HDAC9: variants seen among roughly 807,000 people sequenced by gnomAD.
HDAC9 encodes MEF-2 interacting transcription repressor (MITR) protein.
In HDAC9, 41 loss-of-function variants were observed where a neutral mutation model predicts 139.4. That is an observed-to-expected ratio of 0.29 (90% confidence interval 0.23 to 0.38). The LOEUF (loss-of-function observed/expected upper bound fraction) is 0.38. Ranked by LOEUF, HDAC9 falls within the 10% of genes least tolerant of loss-of-function variation. The pLI, the probability that HDAC9 is intolerant of heterozygous loss-of-function variation, is 1.00. For synonymous variants in HDAC9, 517 were observed against 476.2 expected, an observed-to-expected ratio of 1.09 and a Z score of -1.12; for missense variants, 1,147 against 1,297.0, an observed-to-expected ratio of 0.88 and a Z score of 1.78.
intron 2 of HDAC9, among the ~76,000 whole-genome samples, chr7:18,228,738 A>G (rs1793238918): frequency 6.6e-6 from 1 of 152,198 alleles, no homozygotes; most frequent in South Asian, 2.1e-4. Flanking sequence ...GAAGGCTGGC[A>G]TTAGCAATAC....
intron 2 of HDAC9, chr7:18,578,178 T>G (rs772644934): frequency 1.9e-6 from 1 of 518,884 alleles, no homozygotes; most frequent in African/African-American, 1.9e-5. Context: ...GTGAGTGACC[T>G]CCACAAACTG....
At chr7:18,247,314 T>C (rs1257172867) in intron 2 of HDAC9, among the ~76,000 whole-genome samples, 1 of 151,978 alleles carries the variant, frequency 6.6e-6, no homozygotes, top group Non-Finnish European at 1.5e-5. Context: ...CACTGGGGCA[T>C]ATTCTCCTTT....
At chr7:18,793,223 C>T in intron 16 of HDAC9, 122 bp from the exon 17 acceptor site, 1 of 693,324 alleles carries the variant, frequency 1.4e-6, no homozygotes, top group Non-Finnish European at 2.6e-6. Context: ...CCCTTCCTCA[C>T]AGATTTGCTT....
chr7:18,263,825 A>G (rs1795834268), intron 2 of HDAC9, among the ~76,000 whole-genome samples: 1 of 151,908 alleles, frequency 6.6e-6, no homozygotes, highest in Non-Finnish European at 1.5e-5. Context: ...CGCCATGTTC[A>G]CCAGTCTGGT....
intron 1 of HDAC9, among the ~76,000 whole-genome samples, chr7:18,447,151 C>T (rs1792370948): frequency 6.6e-6 from 1 of 151,880 alleles, no homozygotes; most frequent in Non-Finnish European, 1.5e-5. Flanking sequence ...TATCATTGAC[C>T]TTTTAAAAAA....
chr7:18,620,626 G>A (rs1345927729), intron 6 of HDAC9, among the ~76,000 whole-genome samples: 1 of 151,922 alleles, frequency 6.6e-6, no homozygotes, highest in African/African-American at 2.4e-5. Flanking sequence ...CGAGTGCCAG[G>A]CACTCTTGAG....
intron 24 of HDAC9, among the ~76,000 whole-genome samples, chr7:18,955,521 T>C (rs533901316): frequency 1.1e-4 from 17 of 152,288 alleles, no homozygotes; most frequent in African/African-American, 4.1e-4. Flanking sequence ...AGTGTTAAAA[T>C]TGATTGTTCC....
chr7:18,345,617 C>A (rs991849048), intron 1 of HDAC9, among the ~76,000 whole-genome samples: 23 of 150,750 alleles, frequency 1.5e-4, no homozygotes, highest in African/African-American at 5.6e-4. Context: ...AATTTTTTGC[C>A]CTTTTAGCTT....
At chr7:18,643,621 G>A (rs1238063907) in intron 8 of HDAC9, among the ~76,000 whole-genome samples, 1 of 152,028 alleles carries the variant, frequency 6.6e-6, no homozygotes, top group Admixed American at 6.6e-5. Flanking sequence ...ATTTTCCCCG[G>A]TTAATTGATA....
At chr7:18,497,688 C>G (rs1426633511) in intron 2 of HDAC9, among the ~76,000 whole-genome samples, 1 of 152,130 alleles carries the variant, frequency 6.6e-6, no homozygotes, top group African/African-American at 2.4e-5. Flanking sequence ...TCTAATGGGA[C>G]TGGTCATTTA....
intron 1 of HDAC9, among the ~76,000 whole-genome samples, chr7:18,122,675 A>G (rs1190942900): frequency 6.6e-6 from 1 of 152,106 alleles, no homozygotes; most frequent in Non-Finnish European, 1.5e-5. Flanking sequence ...CTGGAATGCA[A>G]CAGCATGATC....
intron 1 of HDAC9, among the ~76,000 whole-genome samples, chr7:18,396,551 T>C (rs1787082446): frequency 6.6e-6 from 1 of 152,132 alleles, no homozygotes; most frequent in South Asian, 2.1e-4. Context: ...TAGGCTGCTC[T>C]TGATTTTTTA....
intron 1 of HDAC9, among the ~76,000 whole-genome samples, chr7:18,484,555 C>T (rs943812245): frequency 1.3e-5 from 2 of 152,110 alleles, no homozygotes; most frequent in African/African-American, 2.4e-5. Context: ...TTCTCCCTAG[C>T]TTTTGAAGGG....
At chr7:18,183,266 C>T (rs1789637362) in intron 2 of HDAC9, among the ~76,000 whole-genome samples, 1 of 152,152 alleles carries the variant, frequency 6.6e-6, no homozygotes, top group Non-Finnish European at 1.5e-5. Flanking sequence ...GCCTCGGCCT[C>T]CCAAAGTGCT....
intron 11 of HDAC9, among the ~76,000 whole-genome samples, chr7:18,651,397 CT>C: frequency 6.6e-6 from 1 of 151,978 alleles, no homozygotes; most frequent in East Asian, 1.9e-4. Context: ...CTTTTATTTC[CT>C]TTTTATGATT....
chr7:18,505,183 G>A (rs1262697005), intron 2 of HDAC9, among the ~76,000 whole-genome samples: 3 of 152,160 alleles, frequency 2.0e-5, no homozygotes, highest in African/African-American at 7.2e-5. Flanking sequence ...CATTCCTGAT[G>A]CATTTGGCAC....
chr7:18,287,356 A>C (rs934486323), upstream of HDAC9, among the ~76,000 whole-genome samples: 12 of 152,324 alleles, frequency 7.9e-5, no homozygotes, highest in Admixed American at 7.2e-4. Flanking sequence ...TAATTCCTAT[A>C]TACAATAGGG....
At position 18,495,828 on chromosome 7, in the gene HDAC9, C is replaced by G. The variant is rs757823645; in HGVS notation, c.-237C>G. On this transcript the variant is annotated 5_prime_UTR_variant, in exon 1 of 26. Transcript: ENST00000686413. ...GACTGAGGGTTTTTGCAACAAAACCCTAGCAGCCTGAAGAACTCTAAGCCA... is the reference window on the plus strand; with the variant it reads ...GACTGAGGGTTTTTGCAACAAAACCGTAGCAGCCTGAAGAACTCTAAGCCA... The G allele has an allele frequency of 2.9e-6, 3 of 1,025,878 alleles. No individual in the cohort carries two copies. The Admixed American group carries it at 1.7e-4, about 58-fold the overall frequency. The allele number at this position is 1,025,878 out of a possible 1,614,324, so 63.5% of individuals were successfully genotyped here.
intron 15 of HDAC9, among the ~76,000 whole-genome samples, chr7:18,764,830 T>C (rs1333657733): frequency 4.1e-4 from 63 of 152,176 alleles, no homozygotes; most frequent in Non-Finnish European, 7.4e-5. Context: ...CCCTTGATAG[T>C]TGTGTTCTAG....
Sources: allele counts gnomAD v4.1 joint callset (sites outside exome capture counted in the v4.1 genomes callset), GRCh38; gene constraint gnomAD v4.1.1; transcripts MANE v1.5; gene names NCBI Gene and HGNC (gene_info 2026-07-23, HGNC 2026-07-21).